ADAMTSL1: variants seen among roughly 807,000 people sequenced by gnomAD.
ADAMTSL1 encodes ADAMTS-like protein 1.
Under a neutral mutation model 201.8 loss-of-function variants are expected in ADAMTSL1, and 126 were observed. That is an observed-to-expected ratio of 0.62 (90% confidence interval 0.54 to 0.72). ADAMTSL1 has a LOEUF of 0.72. Ranked by LOEUF, ADAMTSL1 falls within the 30% of genes least tolerant of loss-of-function variation. ADAMTSL1 has a pLI of 0.00. For synonymous variants in ADAMTSL1, 1,121 were observed against 903.4 expected (o/e 1.24, Z -4.32); for missense variants, 2,679 against 2,277.8 (o/e 1.18, Z -3.59).
At chr9:18,522,616 G>C (rs1339533668) in intron 2 of ADAMTSL1, among the ~76,000 whole-genome samples, 4 of 129,908 alleles carry the variant, frequency 3.1e-5, no homozygotes, top group African/African-American at 9.5e-5. Flanking sequence ...ACAGGCCCCA[G>C]TGTGTGATGT....
chr9:18,282,791 G>T (rs1011979717), intron 2 of ADAMTSL1, among the ~76,000 whole-genome samples: 2 of 152,228 alleles, frequency 1.3e-5, no homozygotes, highest in Non-Finnish European at 2.9e-5. Context: ...CAGCTACTGG[G>T]GAGGCTGAGG....
At chr9:18,864,953 C>T (rs1162831502) in intron 23 of ADAMTSL1, among the ~76,000 whole-genome samples, 1 of 151,582 alleles carries the variant, frequency 6.6e-6, no homozygotes, top group Non-Finnish European at 1.5e-5. Flanking sequence ...AGAGAGATGT[C>T]TTTTCTGGTG....
chr9:18,821,601 G>T (rs1233588297), intron 21 of ADAMTSL1, among the ~76,000 whole-genome samples: 5 of 152,172 alleles, frequency 3.3e-5, no homozygotes, highest in African/African-American at 1.2e-4. Flanking sequence ...AGCTATCGTT[G>T]TCTGCCACAG....
intron 20 of ADAMTSL1, among the ~76,000 whole-genome samples, chr9:18,802,017 C>G (rs1822835004): frequency 6.6e-6 from 1 of 152,150 alleles, no homozygotes; most frequent in Non-Finnish European, 1.5e-5. Flanking sequence ...TGACTCATGC[C>G]TGTAATCCCA....
chr9:18,798,321 T>G (rs1281138198), intron 20 of ADAMTSL1, among the ~76,000 whole-genome samples: 1 of 152,184 alleles, frequency 6.6e-6, no homozygotes, highest in East Asian at 1.9e-4. Context: ...AGTGTAACCT[T>G]GAGCAACGTC....
chr9:18,467,276 T>C (rs551842337), intron 2 of ADAMTSL1, among the ~76,000 whole-genome samples: 2 of 152,308 alleles, frequency 1.3e-5, no homozygotes, highest in South Asian at 4.1e-4. Flanking sequence ...ATTTGCTACT[T>C]AGATTGGTTA....
At chr9:18,741,869 G>T (rs1818849206) in intron 15 of ADAMTSL1, among the ~76,000 whole-genome samples, 1 of 152,118 alleles carries the variant, frequency 6.6e-6, no homozygotes. Context: ...GCTACTTCAA[G>T]GTCAAGGTCT....
At chr9:18,438,991 G>GTTTTTTTT (rs68149030) in intron 2 of ADAMTSL1, among the ~76,000 whole-genome samples, 15 of 146,344 alleles carry the variant, frequency 1.0e-4, no homozygotes, top group Non-Finnish European at 3.0e-5. Flanking sequence ...TTGTTGACAG[G>GTTTTTTTT]TTTTTTTTTT....
chr9:17,927,831 G>T (rs1437829550), intron 1 of ADAMTSL1, among the ~76,000 whole-genome samples: 1 of 152,044 alleles, frequency 6.6e-6, no homozygotes, highest in Non-Finnish European at 1.5e-5. Context: ...ATCCCCCATG[G>T]ATACTAAGAA....
At chr9:17,978,178 C>G (rs752474907) in intron 1 of ADAMTSL1, among the ~76,000 whole-genome samples, 1 of 151,840 alleles carries the variant, frequency 6.6e-6, no homozygotes, top group Non-Finnish European at 1.5e-5. Flanking sequence ...TTATGTTTAT[C>G]CATGTGTGTC....
At chr9:18,684,901 T>G (rs1243910156) in intron 13 of ADAMTSL1, 101 bp downstream of exon 13, 1 of 1,448,772 alleles carries the variant, frequency 6.9e-7, no homozygotes, top group Admixed American at 2.7e-5. Flanking sequence ...GAACTAAGTG[T>G]AATCATCTCA....
intron 1 of ADAMTSL1, among the ~76,000 whole-genome samples, chr9:18,147,604 T>C (rs895112549): frequency 6.6e-6 from 1 of 152,122 alleles, no homozygotes; most frequent in Admixed American, 6.6e-5. Context: ...TAAGTCTCAT[T>C]TTCACTGCCA....
At chr9:18,886,514 TTATAAACAAACAAAACAAA>T (rs996752855) in intron 23 of ADAMTSL1, among the ~76,000 whole-genome samples, 14 of 149,232 alleles carry the variant, frequency 9.4e-5, no homozygotes, top group African/African-American at 3.4e-4. Flanking sequence ...AACTAGTGGC[TTATAAACAAACAAAACAAA>T]TTTGTTTTTT....
intron 1 of ADAMTSL1, among the ~76,000 whole-genome samples, chr9:17,987,980 A>G (rs1818995102): frequency 6.6e-6 from 1 of 152,090 alleles, no homozygotes; most frequent in South Asian, 2.1e-4. Context: ...GGGCTATGAC[A>G]AACGTGTTTT....
intron 2 of ADAMTSL1, among the ~76,000 whole-genome samples, chr9:18,230,717 A>G (rs916625356): frequency 2.0e-5 from 3 of 152,210 alleles, no homozygotes; most frequent in Admixed American, 2.0e-4. Context: ...ACATACATGC[A>G]TTACTTTTTC....
chr9:18,218,948 T>C (rs1830151793), intron 2 of ADAMTSL1, among the ~76,000 whole-genome samples: 1 of 152,096 alleles, frequency 6.6e-6, no homozygotes, highest in African/African-American at 2.4e-5. Flanking sequence ...TATAAGGTTC[T>C]AATTTGATCT....
At chr9:18,139,702 C>A (rs866328161) in intron 1 of ADAMTSL1, among the ~76,000 whole-genome samples, 2 of 152,114 alleles carry the variant, frequency 1.3e-5, no homozygotes, top group Non-Finnish European at 2.9e-5. Context: ...ATATTTTAAC[C>A]TTATAAACTG....
intron 2 of ADAMTSL1, among the ~76,000 whole-genome samples, chr9:18,326,689 T>C (rs1677392763): frequency 6.6e-6 from 1 of 152,238 alleles, no homozygotes; most frequent in Non-Finnish European, 1.5e-5. Flanking sequence ...CATGGTTCCA[T>C]GCATCCCTTC....
chr9:18,310,399 A>AAAC (rs1440483712), intron 2 of ADAMTSL1, among the ~76,000 whole-genome samples: 1 of 127,324 alleles, frequency 7.9e-6, no homozygotes, highest in Non-Finnish European at 1.7e-5. Context: ...AAAAAAAAAA[A>AAAC]CTATCTTCAG....
Sources: gnomAD v4.1 joint callset for allele counts (sites outside exome capture counted in the v4.1 genomes callset) on GRCh38, gnomAD v4.1.1 for gene constraint, MANE v1.5 for transcripts, NCBI Gene and HGNC (gene_info 2026-07-23, HGNC 2026-07-21) for gene names.